ADRA1B: variants seen among roughly 807,000 people sequenced by gnomAD.
ADRA1B encodes the protein alpha-1B adrenergic receptor.
In ADRA1B, 17 loss-of-function variants were observed where a neutral mutation model predicts 17.9. The ratio of observed to expected loss-of-function variants is 0.95; its 90% confidence interval spans 0.65 to 1.42. The LOEUF (loss-of-function observed/expected upper bound fraction) is 1.42, where lower values mean the gene tolerates loss of function less well. Among genes scored for constraint, ADRA1B ranks in the 40% most tolerant of loss-of-function variants. The pLI is 0.00. For synonymous variants in ADRA1B, 366 were observed against 327.6 expected (o/e 1.12, Z -1.27); for missense variants, 681 against 722.1 (o/e 0.94, Z 0.65).
intron 1 of ADRA1B, among the ~76,000 whole-genome samples, chr5:159,873,264 G>T (rs1753768426): frequency 6.6e-6 from 1 of 152,164 alleles, no homozygotes; most frequent in Non-Finnish European, 1.5e-5. Context: ...ACAGCAGAAT[G>T]ATTTATAATC....
intron 1 of ADRA1B, among the ~76,000 whole-genome samples, chr5:159,865,460 G>A (rs1295778585): frequency 5.3e-5 from 8 of 152,230 alleles, no homozygotes; most frequent in South Asian, 2.1e-4. Context: ...AGCGTAACTC[G>A]CATGGTTTGT....
Position 159,972,722 on chromosome 5 carries a change from G to T in ADRA1B, c.*230G>T, listed in dbSNP as rs1755906550. On this transcript the variant is annotated 3_prime_UTR_variant, in exon 2 of 2. Coordinates refer to ENST00000306675, the MANE Select transcript of ADRA1B (RefSeq NM_000679.4). The stretch of plus-strand genomic sequence containing the variant: ...CTGAGAGCCTGGGGGACCCGACGCC[G>T]CCGGGATTTACCTCTCTCTCTCCCT... Among the ~76,000 whole-genome samples the T allele has an allele frequency of 6.6e-6, 1 of 152,158 alleles. No homozygotes were observed. Among genetic ancestry groups the T allele is most frequent in the African/African-American group, 2.4e-5 (1 of 41,460 alleles).
chr5:159,895,702 T>C (rs1754034174), intron 1 of ADRA1B, among the ~76,000 whole-genome samples: 1 of 152,258 alleles, frequency 6.6e-6, no homozygotes, highest in Non-Finnish European at 1.5e-5. Context: ...ATCCTCCCTT[T>C]GGCATTCCAA....
the ADRA1B span, among the ~76,000 whole-genome samples, chr5:159,987,142 C>T: frequency 1.3e-5 from 2 of 152,230 alleles, no homozygotes; most frequent in Admixed American, 6.5e-5. Context: ...GCTGGACGAG[C>T]CCGGTTCCAG....
At chr5:159,973,716 G>T (rs1255986871), downstream of ADRA1B, among the ~76,000 whole-genome samples, 5 of 152,164 alleles carry the variant, frequency 3.3e-5, no homozygotes, top group Non-Finnish European at 7.3e-5. Flanking sequence ...CTTTGGAGTC[G>T]ATAACTTGGG....
At chr5:159,984,742 AC>A in the ADRA1B span, among the ~76,000 whole-genome samples, 28 of 140,900 alleles carry the variant, frequency 2.0e-4, no homozygotes, top group African/African-American at 7.6e-4. Flanking sequence ...TACTAAAAAT[AC>A]AAAAAAAAAA....
chr5:159,938,376 G>A (rs1316069285), intron 1 of ADRA1B, among the ~76,000 whole-genome samples: 1 of 152,198 alleles, frequency 6.6e-6, no homozygotes, highest in Non-Finnish European at 1.5e-5. Flanking sequence ...TCCAACCATG[G>A]AGTGATTAAT....
rs148171231 is a variant in ADRA1B at position 159,942,789 on chromosome 5, A to T, written c.949+24935A>T. Among the ~76,000 whole-genome samples, 56 of 152,336 alleles carry T rather than the reference A, an allele frequency of 3.7e-4. No individual in the cohort carries two copies. The East Asian group carries it at 0.011, about 29-fold the overall frequency. ...ATGGAAATACATAGAAAAAAACTGG[A>T]AGGTAATACACCAAAAAGATGAAAA... On this transcript the variant is annotated intron_variant, in intron 1 of 1. Transcript: ENST00000306675.
At chr5:159,950,357 T>G (rs1755399846) in intron 1 of ADRA1B, 1 of 581,018 alleles carries the variant, frequency 1.7e-6, no homozygotes, top group African/African-American at 1.8e-5. Context: ...CCCTCCCTCT[T>G]CAGGGGGTCT....
At chr5:159,924,453 C>T (rs756275) in intron 1 of ADRA1B, among the ~76,000 whole-genome samples, 10,329 of 151,844 alleles carry the variant, frequency 0.068, 386 homozygotes, top group South Asian at 0.12. Context: ...GTGAGGAAAA[C>T]GGGAGGGAGG....
chr5:159,871,438 G>A (rs1437344697), intron 1 of ADRA1B: 3 of 152,058 alleles, frequency 2.0e-5, no homozygotes, highest in Non-Finnish European at 4.4e-5. Context: ...AAAAATCAAG[G>A]GGTCAGCAGG....
chr5:159,865,725 T>C (rs1193834540), intron 1 of ADRA1B, among the ~76,000 whole-genome samples: 2 of 152,336 alleles, frequency 1.3e-5, no homozygotes, highest in East Asian at 3.9e-4. Flanking sequence ...TTTTACGACA[T>C]GCTTGTCACT....
chr5:159,916,183 A>G (rs1754296968), upstream of ADRA1B: 2 of 152,200 alleles, frequency 1.3e-5, no homozygotes, highest in African/African-American at 4.8e-5. Context: ...TATTAAAGGT[A>G]AGCAGCCCCC....
chr5:159,983,335 T>C, the ADRA1B span, among the ~76,000 whole-genome samples: 1 of 151,992 alleles, frequency 6.6e-6, no homozygotes, highest in Non-Finnish European at 1.5e-5. Context: ...CCATCCCCCA[T>C]CCCCACCCGG....
chr5:159,921,997 C>T (rs1215689065), intron 1 of ADRA1B, among the ~76,000 whole-genome samples: 1 of 152,164 alleles, frequency 6.6e-6, no homozygotes, highest in African/African-American at 2.4e-5. Context: ...GGGAATCCTT[C>T]CTGGAAGAGG....
intron 1 of ADRA1B, chr5:159,868,316 A>G (rs1753689185): frequency 6.6e-6 from 1 of 152,218 alleles, no homozygotes; most frequent in South Asian, 2.1e-4. Flanking sequence ...GATAAGTTTT[A>G]TAGGAGAGTT....
intron 1 of ADRA1B, among the ~76,000 whole-genome samples, chr5:159,953,171 G>A (rs1755479681): frequency 6.6e-6 from 1 of 152,078 alleles, no homozygotes; most frequent in African/African-American, 2.4e-5. Context: ...GACTAGCCTG[G>A]CCAAGATGGC....
intron 1 of ADRA1B, among the ~76,000 whole-genome samples, chr5:159,865,672 G>T (rs1753643951): frequency 6.6e-6 from 1 of 152,158 alleles, no homozygotes; most frequent in Non-Finnish European, 1.5e-5. Flanking sequence ...TTTATTTCCT[G>T]CTTGAAGAAA....
the ADRA1B span, among the ~76,000 whole-genome samples, chr5:159,988,955 A>G: frequency 6.6e-6 from 1 of 152,230 alleles, no homozygotes; most frequent in Admixed American, 6.5e-5. Flanking sequence ...TATTGTGAAT[A>G]ATGCTGCTAT....
Sources: allele counts gnomAD v4.1 joint callset (sites outside exome capture counted in the v4.1 genomes callset), GRCh38; gene constraint gnomAD v4.1.1; transcripts MANE v1.5; gene names NCBI Gene and HGNC (gene_info 2026-07-23, HGNC 2026-07-21).